COPS3: variants seen among roughly 807,000 people sequenced by gnomAD.
COPS3 encodes COP9 signalosome subunit 3.
A neutral mutation model predicts 58.2 loss-of-function variants in COPS3; 10 were observed. The observed-to-expected ratio is 0.17, with a 90% confidence interval of 0.11 to 0.29. The LOEUF (loss-of-function observed/expected upper bound fraction) is 0.29. COPS3 is among the 10% of genes least tolerant of loss of function. The pLI is 1.00. For missense variants in COPS3, 333 were observed against 510.1 expected (o/e 0.65, Z 3.34); for synonymous variants, 187 against 181.7 (o/e 1.03, Z -0.24).
At chr17:17,250,896 G>A (rs1315425034) in intron 9 of COPS3, among the ~76,000 whole-genome samples, 2 of 152,134 alleles carry the variant, frequency 1.3e-5, no homozygotes, top group Non-Finnish European at 2.9e-5. Flanking sequence ...TTAAGCAGAT[G>A]GAATGTATCT....
At chr17:17,280,139 C>T (rs1012560222) in intron 1 of COPS3, among the ~76,000 whole-genome samples, 8 of 152,172 alleles carry the variant, frequency 5.3e-5, no homozygotes, top group Admixed American at 2.0e-4. Flanking sequence ...GGGCTGGCCG[C>T]GGTGGCTCAT....
At chr17:17,258,477 G>A (rs1174873681) in intron 8 of COPS3, among the ~76,000 whole-genome samples, 2 of 152,060 alleles carry the variant, frequency 1.3e-5, no homozygotes, top group African/African-American at 2.4e-5. Flanking sequence ...TTTTGAAACC[G>A]TTATTTAATT....
In COPS3 at chr17:17,276,090, T is replaced by C; in HGVS notation, c.130A>G (p.Thr44Ala). The part of the protein sequence containing the change: ...LLAKNLSHLD[T>A]VLGALDVQEH... ...TGTACATCCAGAGCCCCGAGCACAG[T>C]GTCCAGATGGGATAAGTTCTTCGCA... is the stretch of plus-strand genomic sequence containing the variant. The change falls in exon 2 of 12, where the codon ACT becomes GCT. Residue 44 changes from threonine (T) to alanine (A), a missense_variant. Coordinates refer to ENST00000268717, the MANE Select transcript of COPS3 (RefSeq NM_003653.4). 6.2e-7 allele frequency: 1 copy of C among 1,614,166 alleles called. No homozygotes were observed. Among genetic ancestry groups the C allele is most frequent in the Non-Finnish European group, 8.5e-7 (1 of 1,180,018 alleles).
At chr17:17,263,275 A>G (rs1309647210) in intron 6 of COPS3, among the ~76,000 whole-genome samples, 1 of 129,618 alleles carries the variant, frequency 7.7e-6, no homozygotes, top group South Asian at 2.5e-4. Context: ...GCGACAGAGC[A>G]AGACTCCATT....
chr17:17,247,162 A>G lies in COPS3; in HGVS notation c.1219-11T>C, dbSNP rs780857230. 5.6e-6 allele frequency: 9 copies of G among 1,612,888 alleles called. No individual in the cohort carries two copies. The highest frequency in any genetic ancestry group is 7.6e-6 in the Non-Finnish European group (9 of 1,178,838). ...TTGTGAGCCCATACTCTGTAAAGGTAAAGTGAAGTTATGTATTTATGTTTG... is the reference window on the plus strand; with the variant it reads ...TTGTGAGCCCATACTCTGTAAAGGTGAAGTGAAGTTATGTATTTATGTTTG... On this transcript the variant is annotated splice_polypyrimidine_tract_variant and intron_variant, in intron 11 of 11. Coordinates refer to ENST00000268717, the MANE Select transcript of COPS3 (RefSeq NM_003653.4).
intron 5 of COPS3, 51 bp downstream of exon 5, chr17:17,267,834 A>C (rs766790275): frequency 7.0e-6 from 11 of 1,579,616 alleles, no homozygotes; most frequent in African/African-American, 5.4e-5. Flanking sequence ...GCAAGCCCAT[A>C]AACAACCTAC....
chr17:17,278,070 G>C (rs1034027816), intron 1 of COPS3, among the ~76,000 whole-genome samples: 1 of 152,098 alleles, frequency 6.6e-6, no homozygotes, highest in African/African-American at 2.4e-5. Flanking sequence ...GACAATCCTT[G>C]AACCCGGGAG....
chr17:17,249,316 TTTTATTTA>T (rs533955606), intron 9 of COPS3, among the ~76,000 whole-genome samples: 8 of 151,998 alleles, frequency 5.3e-5, no homozygotes, highest in African/African-American at 1.9e-4. Flanking sequence ...TAATTAACCA[TTTTATTTA>T]TTTATTTATT....
chr17:17,260,374 C>T lies in COPS3; in HGVS notation c.863G>A (p.Arg288His), dbSNP rs770059818. ...LVNKHSETFT[R>H]DNNMGLVKQC... ...CTTCACCAGCCCCATGTTGTTATCGCGAGTGAAGGTTTCACTGTGCTTATT... is the reference window on the plus strand; with the variant it reads ...CTTCACCAGCCCCATGTTGTTATCGTGAGTGAAGGTTTCACTGTGCTTATT... Residue 288 changes from arginine to histidine, a missense_variant, in exon 8 of 12, where the codon CGC becomes CAC. Arg to His is a conservative substitution (Grantham distance 29, BLOSUM62 0). Transcript: ENST00000268717. The T allele has an allele frequency of 3.7e-6, 6 of 1,614,008 alleles. No individual in the cohort carries two copies. The highest frequency in any genetic ancestry group is 2.7e-5 in the African/African-American group (2 of 74,910).
rs138585706 is a variant in COPS3 at position 17,276,815 on chromosome 17, C to T, written c.56-651G>A. On this transcript the variant is annotated intron_variant, in intron 1 of 11. Coordinates refer to ENST00000268717, the MANE Select transcript of COPS3 (RefSeq NM_003653.4). ...TTGAACTCCTGACCTCATGATCCACCGCGCCCAGCCTACATCATAAATCTT... is the reference window on the plus strand; with the variant it reads ...TTGAACTCCTGACCTCATGATCCACTGCGCCCAGCCTACATCATAAATCTT... 3.7e-3 allele frequency among the ~76,000 whole-genome samples: 567 copies of T among 152,118 alleles called. 4 individuals are homozygous for T. Among genetic ancestry groups the T allele is most frequent in the Middle Eastern group, 0.02 (6 of 294 alleles).
chr17:17,277,140 C>T (rs1001618338), intron 1 of COPS3, among the ~76,000 whole-genome samples: 23 of 152,162 alleles, frequency 1.5e-4, no homozygotes, highest in Non-Finnish European at 3.2e-4. Flanking sequence ...CCCCCACATC[C>T]TCTGCTACCT....
rs188752902 is a variant in COPS3 at position 17,260,716 on chromosome 17, T to C, written c.763-242A>G. 2.4e-3 allele frequency: 639 copies of C among 269,040 alleles called. 4 individuals are homozygous for C. The Middle Eastern group carries it at 0.025, about 11-fold the overall frequency. 16.7% of individuals were successfully genotyped at this position (269,040 alleles called of 1,614,324 possible). ...TACTTGGGAGGCTGAGGCAAGAGAA[T>C]CGCTTGAACCCAGGAGGTGGAGGTT... On this transcript the variant is annotated intron_variant, in intron 7 of 11. Coordinates refer to ENST00000268717, the MANE Select transcript of COPS3 (RefSeq NM_003653.4).
At chr17:17,256,631 T>C (rs2145203334) in intron 8 of COPS3, among the ~76,000 whole-genome samples, 1 of 152,284 alleles carries the variant, frequency 6.6e-6, no homozygotes, top group African/African-American at 2.4e-5. Context: ...GATGGAGTCT[T>C]GCTCTGTTGC....
intron 8 of COPS3, among the ~76,000 whole-genome samples, chr17:17,256,173 T>A (rs1391056333): frequency 6.6e-6 from 1 of 151,668 alleles, no homozygotes; most frequent in African/African-American, 2.4e-5. Flanking sequence ...AGCAAGACTC[T>A]GTCACAAAAA....
chr17:17,247,782 A>C (rs1290655141), intron 10 of COPS3: 7 of 453,518 alleles, frequency 1.5e-5, no homozygotes, highest in Non-Finnish European at 2.4e-5. Flanking sequence ...GGCAAACCTC[A>C]TAATCAAACA....
Position 17,281,129 on chromosome 17 carries a change from T to C in COPS3, c.55+3A>G. The C allele has an allele frequency of 6.2e-7, 1 of 1,609,242 alleles. No homozygotes were observed. Among genetic ancestry groups the C allele is most frequent in the African/African-American group, 1.3e-5 (1 of 74,986 alleles). On this transcript the variant is annotated splice_donor_region_variant and intron_variant, in intron 1 of 11. Transcript: ENST00000268717. ...TGCCCAGCCCGGCGGCCTAGGGCGT[T>C]ACCTTGAGCTGAGAGCTGTCGGACA... is the stretch of plus-strand genomic sequence containing the variant.
At chr17:17,248,717 C>T in intron 10 of COPS3, among the ~76,000 whole-genome samples, 1 of 152,154 alleles carries the variant, frequency 6.6e-6, no homozygotes, top group East Asian at 1.9e-4. Flanking sequence ...AGGACAGTGG[C>T]ACAATCTCGG....
chr17:17,272,714 C>A (rs2145250337), intron 2 of COPS3, among the ~76,000 whole-genome samples: 1 of 152,242 alleles, frequency 6.6e-6, no homozygotes, highest in Admixed American at 6.5e-5. Flanking sequence ...CCAGCCTAGG[C>A]AACATAATAT....
chr17:17,250,970 A>G (rs549562806), intron 9 of COPS3, among the ~76,000 whole-genome samples: 2 of 152,306 alleles, frequency 1.3e-5, no homozygotes, highest in East Asian at 1.9e-4. Context: ...CCAGAACTGG[A>G]AACAACCCCA....
Sources: gnomAD v4.1 joint callset for allele counts (sites outside exome capture counted in the v4.1 genomes callset) on GRCh38, gnomAD v4.1.1 for gene constraint, MANE v1.5 for transcripts, NCBI Gene and HGNC (gene_info 2026-07-23, HGNC 2026-07-21) for gene names.